COLQ: variants seen among roughly 807,000 people sequenced by gnomAD.
The protein encoded by COLQ is collagen like tail subunit of asymmetric acetylcholinesterase.
COLQ carries 48 observed loss-of-function variants against 69.0 expected under a neutral mutation model. The observed-to-expected ratio is 0.70, with a 90% CI of 0.55 to 0.88. The LOEUF is 0.88. COLQ is among the 40% of genes least tolerant of loss of function. COLQ has a pLI of 0.00. For synonymous variants in COLQ, 217 were observed against 211.2 expected, an observed-to-expected ratio of 1.03 and a Z score of -0.24; for missense variants, 618 against 594.6, an observed-to-expected ratio of 1.04 and a Z score of -0.41.
Position 15,455,908 on chromosome 3 carries a change from C to A in COLQ, c.1186G>T (p.Asp396Tyr). ...CDDGNSDVGDDCIRCHRAYCG... is the reference protein window; with the variant it reads ...CDDGNSDVGDYCIRCHRAYCG... ...TCTGGGCCTCACTCACGGATGCAGT[C>A]GTCACCCACATCGCTGTTACCGTCG... is the stretch of plus-strand genomic sequence containing the variant. The change falls in exon 15 of 17, where the codon GAC becomes TAC. Residue 396 changes from aspartate to tyrosine, a missense_variant. By Grantham distance (160) the Asp-to-Tyr change is radical. Coordinates refer to ENST00000383788, the MANE Select transcript of COLQ (RefSeq NM_005677.4). 6.2e-7 allele frequency: 1 copy of A among 1,614,092 alleles called. No individual in the cohort carries two copies. The highest frequency in any genetic ancestry group is 1.7e-4 in the Middle Eastern group (1 of 6,056).
At chr3:15,515,605 C>T (rs563837050) in intron 1 of COLQ, among the ~76,000 whole-genome samples, 49 of 152,162 alleles carry the variant, frequency 3.2e-4, no homozygotes, top group African/African-American at 1.1e-3. Flanking sequence ...GTCAGGAGTT[C>T]GAGACCAGCC....
At chr3:15,456,701 A>G in intron 13 of COLQ, 122 bp from the exon 14 acceptor site, 1 of 1,266,882 alleles carries the variant, frequency 7.9e-7, no homozygotes, top group East Asian at 2.5e-5. Flanking sequence ...AGGGGTTTGC[A>G]CACTACACTC....
rs2062320883 is a variant in COLQ at position 15,473,254 on chromosome 3, C to G, written c.636+746G>C. 6.6e-6 allele frequency among the ~76,000 whole-genome samples: 1 copy of G among 152,138 alleles called. No homozygotes were observed. Among genetic ancestry groups the G allele is most frequent in the South Asian group, 2.1e-4 (1 of 4,824 alleles). On this transcript the variant is annotated intron_variant, in intron 10 of 16. Transcript: ENST00000383788. The surrounding 1 kb of genome is among the most constrained non-coding windows in gnomAD (Gnocchi z 4.0). ...CGCAGCTTTGACTCCTGGGCTCAGG[C>G]CACCCTCCCGCCTCACCTTCCTAAG...
At chr3:15,474,369 T>G in intron 8 of COLQ, 97 bp from the exon 9 acceptor site, 1 of 1,253,082 alleles carries the variant, frequency 8.0e-7, no homozygotes, top group Non-Finnish European at 1.2e-6. Flanking sequence ...AAAACCCTCA[T>G]TTTACAAGTG....
chr3:15,493,401 G>A (rs1158576679), intron 1 of COLQ, among the ~76,000 whole-genome samples: 6 of 152,238 alleles, frequency 3.9e-5, no homozygotes, highest in Admixed American at 3.9e-4. Context: ...AATGGGACAT[G>A]ACACTGTCCT....
chr3:15,481,165 C>G (rs896282302), intron 3 of COLQ, among the ~76,000 whole-genome samples: 9 of 152,286 alleles, frequency 5.9e-5, no homozygotes, highest in African/African-American at 2.2e-4. Context: ...CCTGTTCACT[C>G]TGATGGTAGT....
At chr3:15,486,323 G>A (rs973254861) in intron 3 of COLQ, among the ~76,000 whole-genome samples, 4 of 152,110 alleles carry the variant, frequency 2.6e-5, no homozygotes, top group African/African-American at 7.2e-5. Flanking sequence ...TTTGTCAGGG[G>A]GATGACATTC....
At chr3:15,503,816 C>T (rs920241291) in intron 1 of COLQ, among the ~76,000 whole-genome samples, 9 of 152,084 alleles carry the variant, frequency 5.9e-5, no homozygotes, top group Non-Finnish European at 5.9e-5. Context: ...TACCAGCACA[C>T]GGTGGAGATC....
chr3:15,489,669 G>C, intron 1 of COLQ, 32 bp from the exon 2 acceptor site: 1 of 1,596,496 alleles, frequency 6.3e-7, no homozygotes, highest in East Asian at 2.2e-5. Flanking sequence ...TCGTTAGCAT[G>C]TGGTCAGTGC....
intron 1 of COLQ, among the ~76,000 whole-genome samples, chr3:15,507,770 A>G (rs2062931255): frequency 6.6e-6 from 1 of 152,164 alleles, no homozygotes; most frequent in African/African-American, 2.4e-5. Flanking sequence ...CATGGTTTTA[A>G]TTTTCATTTC....
chr3:15,471,654 A>AG (rs2062289850), intron 10 of COLQ, among the ~76,000 whole-genome samples: 1 of 152,258 alleles, frequency 6.6e-6, no homozygotes, highest in Non-Finnish European at 1.5e-5. Flanking sequence ...CAGTCAGAGG[A>AG]GGTATAACAC....
chr3:15,468,321 G>GT (rs540716062), intron 11 of COLQ, among the ~76,000 whole-genome samples: 997 of 71,320 alleles, frequency 0.014, 121 homozygotes, highest in Middle Eastern at 0.02. Context: ...AGTTACTGAA[G>GT]TTTTTTTTTT....
intron 3 of COLQ, among the ~76,000 whole-genome samples, chr3:15,482,184 T>C (rs1003941823): frequency 7.9e-5 from 12 of 152,208 alleles, no homozygotes; most frequent in African/African-American, 2.4e-4. Flanking sequence ...CTTCCTCTTT[T>C]CCTAATTGAA....
intron 1 of COLQ, chr3:15,498,741 T>C (rs2062788228): frequency 1.0e-5 from 16 of 1,534,292 alleles, no homozygotes; most frequent in Non-Finnish European, 1.3e-5. Flanking sequence ...CTGCTCCAGA[T>C]GCCAGGGGTC....
rs575840341 is a variant in COLQ at position 15,466,330 on chromosome 3, G to A, written c.814+11C>T. On this transcript the variant is annotated intron_variant, in intron 12 of 16. Transcript: ENST00000383788. The stretch of plus-strand genomic sequence containing the variant: ...CCAACAGTGGATCAAGTGAAGCAGT[G>A]TAGCTCTTACCTGCAGGTGGGGGGC... 130 of 1,599,294 alleles carry A rather than the reference G, an allele frequency of 8.1e-5. No homozygotes were observed. The East Asian group carries it at 2.7e-3, about 33-fold the overall frequency.
rs201725227 is a variant in COLQ at position 15,463,079 on chromosome 3, C to CA, written c.814+3261dup. 4.0e-3 allele frequency among the ~76,000 whole-genome samples: 613 copies of CA among 152,224 alleles called. 4 individuals are homozygous for CA. Among genetic ancestry groups the CA allele is most frequent in the African/African-American group, 0.013 (537 of 41,524 alleles). On this transcript the variant is annotated intron_variant, in intron 12 of 16. Coordinates refer to ENST00000383788, the MANE Select transcript of COLQ (RefSeq NM_005677.4). ...GGACAGGATTGCAATACACCGAAGA[C>CA]AGACAAGACAAGAGAAACAGCAGGC...
intron 3 of COLQ, 86 bp from the exon 4 acceptor site, chr3:15,479,468 C>T: frequency 1.6e-6 from 2 of 1,265,494 alleles, no homozygotes; most frequent in South Asian, 2.4e-5. Context: ...TGGGCTCCTA[C>T]AGCAGCAACA....
In COLQ at chr3:15,451,665, C is replaced by T. The variant is rs769428838; in HGVS notation, c.1347G>A (p.Thr449=). ...GCCCTCAGGTGAAGTAGCGGCAGGG[C>T]GTGGAGTCGATGTAGCAGTACTGGG... ...QCTQYCYIDS[T]PCRYFT Residue 449 remains threonine (T), a synonymous_variant, in exon 17 of 17, where the codon ACG becomes ACA. Transcript: ENST00000383788. The T allele has an allele frequency of 8.1e-6, 13 of 1,613,976 alleles. No individual in the cohort carries two copies. Among genetic ancestry groups the T allele is most frequent in the African/African-American group, 5.3e-5 (4 of 74,908 alleles).
chr3:15,469,942 T>C (rs1335768366), intron 11 of COLQ, among the ~76,000 whole-genome samples: 1 of 152,216 alleles, frequency 6.6e-6, no homozygotes, highest in Non-Finnish European at 1.5e-5. Context: ...CTCAGGATTA[T>C]ATATGAGACA....
Sources: allele counts gnomAD v4.1 joint callset (sites outside exome capture counted in the v4.1 genomes callset), GRCh38; gene constraint gnomAD v4.1.1; non-coding constraint Gnocchi (gnomAD v3.1); transcripts MANE v1.5; gene names NCBI Gene and HGNC (gene_info 2026-07-23, HGNC 2026-07-21).